The following PCDHGA6 variants were observed in gnomAD, a reference collection of about 807,000 sequenced individuals.
The protein encoded by PCDHGA6 is protocadherin gamma-A6.
In PCDHGA6, 41 loss-of-function variants were observed where a neutral mutation model predicts 60.6. That is an observed-to-expected ratio of 0.68 (90% CI 0.53 to 0.88). The LOEUF is 0.88. PCDHGA6 is among the 40% of genes least tolerant of loss of function. The pLI is 0.00. For missense variants in PCDHGA6, 1,312 were observed against 1,203.0 expected (o/e 1.09, Z -1.34); for synonymous variants, 594 against 524.4 (o/e 1.13, Z -1.81).
intron 1 of PCDHGA6, among the ~76,000 whole-genome samples, chr5:141,439,662 G>A (rs2098125902): frequency 6.6e-6 from 1 of 152,150 alleles, no homozygotes; most frequent in South Asian, 2.1e-4. Flanking sequence ...TAATTTCATG[G>A]AATGCAAATC....
rs1772297221 is a variant in PCDHGA6 at position 141,376,111 on chromosome 5, C to T, written c.2028C>T (p.Gly676=). The change falls in exon 1 of 4, where the codon GGC becomes GGT. Residue 676 remains glycine (G), a synonymous_variant. Transcript: ENST00000517434. ...DRIPDILADL[G]SLEPSAKPND... is the part of the protein sequence containing the mutation. ...TCCCCGACATCCTGGCCGACCTGGGCAGCCTCGAGCCCTCCGCCAAACCCA... is the reference window on the plus strand; with the variant it reads ...TCCCCGACATCCTGGCCGACCTGGGTAGCCTCGAGCCCTCCGCCAAACCCA... The T allele has an allele frequency of 6.2e-7, 1 of 1,613,704 alleles. No individual in the cohort carries two copies. Among genetic ancestry groups the T allele is most frequent in the Admixed American group, 1.7e-5 (1 of 59,990 alleles).
In PCDHGA6 at chr5:141,485,470, T is replaced by C; in HGVS notation, c.2425-9337T>C. ...ACCGAGAGGCACTGTGTGGGCTCAG[T>C]GCCAGCTGCATCGTGCCCCTGGAGT... On this transcript the variant is annotated intron_variant, in intron 1 of 3. Coordinates refer to ENST00000517434, the MANE Select transcript of PCDHGA6 (RefSeq NM_018919.3). This position sits in a 1 kb window ranked among gnomAD's most constrained non-coding sequence, Gnocchi z 5.7. 1.9e-6 allele frequency: 3 copies of C among 1,614,110 alleles called. No individual in the cohort carries two copies. The highest frequency in any genetic ancestry group is 2.5e-6 in the Non-Finnish European group (3 of 1,180,002).
chr5:141,422,070 A>G (rs1202364320), intron 1 of PCDHGA6: 3 of 1,612,480 alleles, frequency 1.9e-6, no homozygotes, highest in Non-Finnish European at 2.5e-6. Context: ...TAATGTATTC[A>G]TTTCGGAACA....
At chr5:141,389,794 G>A (rs1015982333) in intron 1 of PCDHGA6, 21 of 1,613,396 alleles carry the variant, frequency 1.3e-5, no homozygotes, top group East Asian at 2.2e-5. Flanking sequence ...GACGCCGTCC[G>A]CCAGCGCCTT....
At chr5:141,410,995 T>A in intron 1 of PCDHGA6, 1 of 174,388 alleles carries the variant, frequency 5.7e-6, no homozygotes, top group South Asian at 1.4e-4. Flanking sequence ...CTGGGATTAC[T>A]GGTGCCCCTC....
rs2099697598 is a variant in PCDHGA6 at position 141,490,236 on chromosome 5, C to T, written c.2425-4571C>T. On this transcript the variant is annotated intron_variant, in intron 1 of 3. Coordinates refer to ENST00000517434, the MANE Select transcript of PCDHGA6 (RefSeq NM_018919.3). This position sits in a 1 kb window ranked among gnomAD's most constrained non-coding sequence, Gnocchi z 5.4. ...ACCAGGGACAGCCTGCCATGGAGGG[C>T]CACTGTGTGATTCAAGTGGATGTGG... is the stretch of plus-strand genomic sequence containing the variant. 1 of 1,614,078 alleles carries T rather than the reference C, an allele frequency of 6.2e-7. No homozygotes were observed. The highest frequency in any genetic ancestry group is 1.1e-5 in the South Asian group (1 of 91,088).
In PCDHGA6 at chr5:141,404,772, G is replaced by A. The variant is rs764262966; in HGVS notation, c.2424+28265G>A. On this transcript the variant is annotated intron_variant, in intron 1 of 3. Transcript: ENST00000517434. ...GGCCAGAATGCTTGGCTCTCCTACC[G>A]CCTATTCAAGGCCAGTGAGCCAGGG... The A allele has an allele frequency of 9.9e-6, 16 of 1,613,820 alleles. No individual in the cohort carries two copies. The highest frequency in any genetic ancestry group is 5.0e-5 in the Admixed American group (3 of 60,000).
rs773893751 is a variant in PCDHGA6 at position 141,431,903 on chromosome 5, G to A, written c.2424+55396G>A. 2 of 1,613,916 alleles carry A rather than the reference G, an allele frequency of 1.2e-6. No individual in the cohort carries two copies. Among genetic ancestry groups the A allele is most frequent in the South Asian group, 2.2e-5 (2 of 91,080 alleles). ...CCAAGATTCTGAGGAAAACGGACAG[G>A]TGATCTGTTTCATCCAAGGAAATCT... On this transcript the variant is annotated intron_variant, in intron 1 of 3. Transcript: ENST00000517434. The surrounding 1 kb of genome is among the most constrained non-coding windows in gnomAD (Gnocchi z 4.8).
intron 1 of PCDHGA6, chr5:141,422,844 G>A: frequency 6.2e-7 from 1 of 1,614,238 alleles, no homozygotes; most frequent in Non-Finnish European, 8.5e-7. Context: ...GTGACAGCGG[G>A]GACCCGCCCC....
intron 2 of PCDHGA6, among the ~76,000 whole-genome samples, chr5:141,504,280 C>T (rs1027657223): frequency 6.6e-6 from 1 of 152,076 alleles, no homozygotes; most frequent in Admixed American, 6.6e-5. Context: ...AATTATGAAT[C>T]ATTTCATGTT....
intron 1 of PCDHGA6, chr5:141,388,456 A>G: frequency 5.0e-6 from 8 of 1,613,810 alleles, no homozygotes; most frequent in Non-Finnish European, 5.9e-6. Flanking sequence ...GGCAGTAAAT[A>G]CCCTGAGATG....
At chr5:141,447,232 C>T (rs988057696) in intron 1 of PCDHGA6, among the ~76,000 whole-genome samples, 3 of 152,062 alleles carry the variant, frequency 2.0e-5, no homozygotes, top group East Asian at 1.9e-4. Flanking sequence ...CTCCGCCTCC[C>T]GGGTTCAAGT....
At position 141,505,406 on chromosome 5, in the gene PCDHGA6, G is replaced by A. The variant is rs546453598; in HGVS notation, c.2497G>A (p.Asp833Asn). 61 of 1,614,174 alleles carry A rather than the reference G, an allele frequency of 3.8e-5. No individual in the cohort carries two copies. The highest frequency in any genetic ancestry group is 1.1e-4 in the East Asian group (5 of 44,866). ...RPGTSGSQNG[D>N]DTGTWPNNQF... Reference sequence around the variant, plus strand: ...CTCTCTCCCCAGCTCCCAAAATGGCGATGACACCGGCACCTGGCCCAACAA... The same window carrying A: ...CTCTCTCCCCAGCTCCCAAAATGGCAATGACACCGGCACCTGGCCCAACAA... Residue 833 changes from aspartate to asparagine, a missense_variant, in exon 3 of 4, where the codon GAT (aspartate) becomes AAT (asparagine). Transcript: ENST00000517434.
intron 1 of PCDHGA6, chr5:141,400,717 G>A: frequency 1.5e-6 from 1 of 672,320 alleles, no homozygotes; most frequent in Non-Finnish European, 2.5e-6. Context: ...TAGCCTTATA[G>A]ATTTACAAAG....
At chr5:141,406,421 A>G (rs981815055) in intron 1 of PCDHGA6, among the ~76,000 whole-genome samples, 2 of 152,222 alleles carry the variant, frequency 1.3e-5, no homozygotes, top group East Asian at 1.9e-4. Flanking sequence ...GAAAGCCCAG[A>G]TTTATTGCTT....
At position 141,374,756 on chromosome 5, in the gene PCDHGA6, G is replaced by A. The variant is rs968410543; in HGVS notation, c.673G>A (p.Val225Ile). ...TGGCGGCGACCCTGTCCGCTCAAGC[G>A]TCGCCCAAATTCTGGTAACAGTTCT... ...MDGGDPVRSS[V>I]AQILVTVLDV... Residue 225 changes from valine (V) to isoleucine (I), a missense_variant, in exon 1 of 4, where the codon GTC becomes ATC. By Grantham distance (29) the Val-to-Ile change is conservative. Transcript: ENST00000517434. The A allele has an allele frequency of 2.5e-6, 4 of 1,612,954 alleles. No homozygotes were observed. The highest frequency in any genetic ancestry group is 2.5e-6 in the Non-Finnish European group (3 of 1,179,478).
rs2099694919 is a variant in PCDHGA6, at chr5:141,490,016, C to T, written c.2425-4791C>T. The T allele has an allele frequency of 6.2e-7, 1 of 1,614,158 alleles. No individual in the cohort carries two copies. The highest frequency in any genetic ancestry group is 8.5e-7 in the Non-Finnish European group (1 of 1,180,060). On this transcript the variant is annotated intron_variant, in intron 1 of 3. Transcript: ENST00000517434. This position sits in a 1 kb window ranked among gnomAD's most constrained non-coding sequence, Gnocchi z 5.4. ...ATCCCAGAGAATGCACCCATTGGTACTCTGCTGCTCCGCCTCAATGCCACT... is the reference window on the plus strand; with the variant it reads ...ATCCCAGAGAATGCACCCATTGGTATTCTGCTGCTCCGCCTCAATGCCACT...
At chr5:141,379,666 A>C (rs1254771519) in intron 1 of PCDHGA6, 1 of 152,160 alleles carries the variant, frequency 6.6e-6, no homozygotes, top group East Asian at 1.9e-4. Context: ...CTCTCACAAA[A>C]GTCATTCACT....
chr5:141,404,952 G>T, intron 1 of PCDHGA6: 1 of 1,614,030 alleles, frequency 6.2e-7, no homozygotes, highest in Non-Finnish European at 8.5e-7. Flanking sequence ...ATAGCTGACA[G>T]CATCCCAGAC....
Sources: gnomAD v4.1 joint callset for allele counts (sites outside exome capture counted in the v4.1 genomes callset) on GRCh38, gnomAD v4.1.1 for gene constraint, Gnocchi (gnomAD v3.1) non-coding constraint, MANE v1.5 for transcripts, NCBI Gene and HGNC (gene_info 2026-07-23, HGNC 2026-07-21) for gene names.